Variants in DCTPP1 observed in about 807,000 individuals in gnomAD.
The protein encoded by DCTPP1 is dCTP pyrophosphatase 1.
DCTPP1 carries 8 observed loss-of-function variants against 8.8 expected under a neutral mutation model. The ratio of observed to expected loss-of-function variants is 0.91; its 90% confidence interval spans 0.54 to 1.64. The LOEUF is 1.64. Among genes scored for constraint, DCTPP1 ranks in the 40% most tolerant of loss-of-function variants. The probability of loss-of-function intolerance (pLI) is 0.00; values close to 1 mark genes in which losing one functional copy is unlikely to be tolerated. For synonymous variants in DCTPP1, 85 were observed against 92.1 expected (o/e 0.92, Z 0.44); for missense variants, 231 against 230.4 (o/e 1.00, Z -0.02).
At chr16:30,427,471 C>A (rs2050201118) in intron 2 of DCTPP1, among the ~76,000 whole-genome samples, 1 of 152,062 alleles carries the variant, frequency 6.6e-6, no homozygotes, top group Non-Finnish European at 1.5e-5. Flanking sequence ...CGCCACCATG[C>A]CTGGCTAATT....
In DCTPP1 at chr16:30,429,943, C is replaced by A. The variant is rs543674443; in HGVS notation, c.38G>T (p.Gly13Val). ...VAGGEIRGDT[G>V]GEDTAAPGRF... Reference sequence around the variant, plus strand: ...GCCGGGAGCAGCAGTGTCCTCTCCCCCCGTGTCCCCACGAATCTCCCCACC... The same window carrying A: ...GCCGGGAGCAGCAGTGTCCTCTCCCACCGTGTCCCCACGAATCTCCCCACC... Residue 13 changes from glycine (G) to valine (V), a missense_variant, in exon 1 of 3, where the codon GGG (glycine) becomes GTG (valine). Physicochemically the swap from Gly to Val is moderately radical, Grantham distance 109. Coordinates refer to ENST00000319285, the MANE Select transcript of DCTPP1 (RefSeq NM_024096.2). 7.6e-6 allele frequency: 12 copies of A among 1,586,306 alleles called. No individual in the cohort carries two copies. In the African/African-American group the frequency reaches 8.3e-5, roughly 11 times the overall value.
At chr16:30,429,737 A>T (rs2050214027) in intron 1 of DCTPP1, 143 bp downstream of exon 1, 2 of 761,402 alleles carry the variant, frequency 2.6e-6, no homozygotes, top group South Asian at 3.8e-5. Context: ...AGATGAGGTA[A>T]GAAGGCTCAC....
chr16:30,425,809 C>T (rs998491920), intron 2 of DCTPP1, among the ~76,000 whole-genome samples: 2 of 152,206 alleles, frequency 1.3e-5, no homozygotes, highest in Non-Finnish European at 2.9e-5. Context: ...AGGAGCAGAA[C>T]TCCGTCTCAA....
chr16:30,424,900 T>C (rs1175962040), intron 2 of DCTPP1, among the ~76,000 whole-genome samples: 1 of 152,228 alleles, frequency 6.6e-6, no homozygotes, highest in African/African-American at 2.4e-5. Context: ...TTTCTATTTT[T>C]TGAGACGGAG....
At chr16:30,426,503 T>C (rs1028168792) in intron 2 of DCTPP1, among the ~76,000 whole-genome samples, 7 of 142,292 alleles carry the variant, frequency 4.9e-5, no homozygotes, top group Non-Finnish European at 9.1e-5. Flanking sequence ...AGACAGAGTC[T>C]TGCTGTTGCC....
intron 1 of DCTPP1, 49 bp downstream of exon 1, chr16:30,429,831 G>T (rs769829600): frequency 3.2e-6 from 5 of 1,553,728 alleles, no homozygotes; most frequent in Non-Finnish European, 8.7e-7. Flanking sequence ...CCCAAAACGC[G>T]GGAGAAAGGG....
At position 30,429,816 on chromosome 16, in the gene DCTPP1, C is replaced by A. The variant is rs2050214499; in HGVS notation, c.101+64G>T. On this transcript the variant is annotated intron_variant, in intron 1 of 2. Transcript: ENST00000319285. ...CCCGCTTCCCGACCACGTGGAGGAA[C>A]CCTCCCCAAAACGCGGGAGAAAGGG... is the stretch of plus-strand genomic sequence containing the variant. 1.0e-5 allele frequency: 15 copies of A among 1,499,906 alleles called. No individual in the cohort carries two copies. In the South Asian group the frequency reaches 1.8e-4, roughly 18 times the overall value. The allele number at this position is 1,499,906 out of a possible 1,614,324, so 92.9% of individuals were successfully genotyped here. A position where few individuals can be genotyped will look rare whatever the true frequency, so the allele number is the denominator to read the frequency against.
chr16:30,429,359 C>T (rs1031927228), intron 1 of DCTPP1, 192 bp from the exon 2 acceptor site: 22 of 544,502 alleles, frequency 4.0e-5, no homozygotes, highest in African/African-American at 3.1e-4. Flanking sequence ...AATGGGCGTG[C>T]CCCTGAACTG....
chr16:30,429,456 G>A (rs1237569963), intron 1 of DCTPP1: 5 of 414,066 alleles, frequency 1.2e-5, no homozygotes, highest in African/African-American at 2.1e-5. Flanking sequence ...ACCTGGAATC[G>A]CCGCACATCA....
At chr16:30,424,570 T>C in intron 2 of DCTPP1, 37 bp from the exon 3 acceptor site, 1 of 1,598,096 alleles carries the variant, frequency 6.3e-7, no homozygotes. Flanking sequence ...CACTCAGATG[T>C]AACCTGGGGC....
At chr16:30,424,823 G>A (rs1477072116) in intron 2 of DCTPP1, among the ~76,000 whole-genome samples, 2 of 152,178 alleles carry the variant, frequency 1.3e-5, no homozygotes, top group African/African-American at 4.8e-5. Context: ...CTCGGACCTG[G>A]ACCACTGCAG....
In DCTPP1 at chr16:30,423,779, T is replaced by C. The variant is rs181729372; in HGVS notation, c.*454A>G. 103 of 165,808 alleles carry C rather than the reference T, an allele frequency of 6.2e-4. No homozygotes were observed. The highest frequency in any genetic ancestry group is 1.3e-3 in the Non-Finnish European group (96 of 76,502). The allele number at this position is 165,808 out of a possible 1,614,324, so 10.3% of individuals were successfully genotyped here. On this transcript the variant is annotated 3_prime_UTR_variant, in exon 3 of 3. Transcript: ENST00000319285. ...TTAATTTGAGTAATGTCATTTAGCT[T>C]GCAAGTGTCAAAGATGGCATTTGAA...
At chr16:30,425,027 T>C (rs1444585563) in intron 2 of DCTPP1, among the ~76,000 whole-genome samples, 1 of 152,272 alleles carries the variant, frequency 6.6e-6, no homozygotes, top group Non-Finnish European at 1.5e-5. Context: ...ATTACAGGCA[T>C]GTGCCGCCAT....
intron 2 of DCTPP1, 107 bp downstream of exon 2, chr16:30,428,950 G>T: frequency 8.4e-7 from 1 of 1,196,126 alleles, no homozygotes; most frequent in Non-Finnish European, 1.2e-6. Context: ...AAAGAGCCTA[G>T]CAATCAGGAG....
Position 30,424,342 on chromosome 16 carries a change from C to T in DCTPP1, c.404G>A (p.Arg135His), listed in dbSNP as rs985136446. ...TTCTGTATACTTGCGGGAAGAGCTG[C>T]GGGCCAGATGGGCTGGGTAGCGTCG... ...NRRRYPAHLA[R>H]SSSRKYTELP... The change falls in exon 3 of 3, where the codon CGC becomes CAC. Residue 135 changes from arginine (R) to histidine (H), a missense_variant. Physicochemically the swap from Arg to His is conservative, Grantham distance 29. Transcript: ENST00000319285. 31 of 1,614,212 alleles carry T rather than the reference C, an allele frequency of 1.9e-5. 1 individual carries two copies. The East Asian group carries it at 2.9e-4, about 15-fold the overall frequency.
rs1264475101 is a variant in DCTPP1 at position 30,429,096 on chromosome 16, AG to A, written c.172del (p.Leu58TrpfsTer49). 6.2e-7 allele frequency: 1 copy of A among 1,613,878 alleles called. No homozygotes were observed. Among genetic ancestry groups the A allele is most frequent in the Admixed American group, 1.7e-5 (1 of 59,954 alleles). On this transcript the variant is annotated frameshift_variant, in exon 2 of 3. Transcript: ENST00000319285. LOFTEE classifies it high-confidence loss of function. ...CTCCCCCACTTCCCCAACCAAGGCCAGGAGGAGATTCCGAGGCTGATGGAAC... is the reference window on the plus strand; with the variant it reads ...CTCCCCCACTTCCCCAACCAAGGCCAGAGGAGATTCCGAGGCTGATGGAAC... ...EQFHQPRNLL[L>X]ALVGEVGELA...
chr16:30,429,621 G>T, intron 1 of DCTPP1: 1 of 484,390 alleles, frequency 2.1e-6, no homozygotes, highest in Non-Finnish European at 3.6e-6. Context: ...GCGGTATCTG[G>T]TGCCGGTATC....
intron 2 of DCTPP1, among the ~76,000 whole-genome samples, chr16:30,427,808 C>T (rs528134468): frequency 5.3e-5 from 8 of 152,138 alleles, no homozygotes; most frequent in Non-Finnish European, 1.0e-4. Flanking sequence ...GCCTGGGCAA[C>T]AACAGCGAGA....
intron 2 of DCTPP1, among the ~76,000 whole-genome samples, chr16:30,426,816 C>T (rs1216797966): frequency 6.6e-6 from 1 of 151,852 alleles, no homozygotes; most frequent in African/African-American, 2.4e-5. Flanking sequence ...TCTCCTGCCT[C>T]AGCCTCACGA....
Sources: allele counts gnomAD v4.1 joint callset (sites outside exome capture counted in the v4.1 genomes callset), GRCh38; gene constraint gnomAD v4.1.1; transcripts MANE v1.5; gene names NCBI Gene and HGNC (gene_info 2026-07-23, HGNC 2026-07-21).